The following CSMD1 variants were observed in gnomAD, a reference collection of about 807,000 sequenced individuals.
CSMD1 encodes the protein CUB and Sushi multiple domains 1.
In CSMD1, 213 loss-of-function variants were observed where a neutral mutation model predicts 417.5. That is an observed-to-expected ratio of 0.51 (90% CI 0.46 to 0.57). The LOEUF (loss-of-function observed/expected upper bound fraction) is 0.57. Ranked by LOEUF, CSMD1 falls within the 20% of genes least tolerant of loss-of-function variation. CSMD1 has a pLI of 0.00. For missense variants in CSMD1, 6,923 were observed against 4,529.7 expected (o/e 1.53, Z -15.17); for synonymous variants, 2,862 against 1,736.8 (o/e 1.65, Z -16.11).
intron 5 of CSMD1, among the ~76,000 whole-genome samples, chr8:3,784,460 C>T (rs1799339095): frequency 6.6e-6 from 1 of 152,056 alleles, no homozygotes; most frequent in African/African-American, 2.4e-5. Context: ...ATATAAGTTC[C>T]TGATTTTAAG....
chr8:4,259,722 C>G (rs1020398489), intron 3 of CSMD1, among the ~76,000 whole-genome samples: 2 of 151,930 alleles, frequency 1.3e-5, no homozygotes, highest in African/African-American at 4.8e-5. Context: ...AATTTTGCCA[C>G]AAATATATAC....
chr8:4,616,653 T>C (rs1801491206), intron 2 of CSMD1, among the ~76,000 whole-genome samples: 1 of 152,200 alleles, frequency 6.6e-6, no homozygotes, highest in Non-Finnish European at 1.5e-5. Context: ...ATGCCAACGC[T>C]TGAGAAAGAG....
In CSMD1 at chr8:3,367,215, C is replaced by G; in HGVS notation, c.2932G>C (p.Glu978Gln). 1 of 1,612,802 alleles carries G rather than the reference C, an allele frequency of 6.2e-7. No homozygotes were observed. Among genetic ancestry groups the G allele is most frequent in the African/African-American group, 1.3e-5 (1 of 74,854 alleles). ...VQMIFHTFHL[E>Q]SSHDYLLITE... ...ATCAGTAAATAGTCGTGGGAACTCT[C>G]AAGATGAAAGGTGTGAAAGATCATT... Residue 978 changes from glutamate to glutamine, a missense_variant, in exon 20 of 70, where the codon GAG (glutamate) becomes CAG (glutamine). Transcript: ENST00000635120.
intron 30 of CSMD1, among the ~76,000 whole-genome samples, chr8:3,207,151 CTTT>C (rs35120987): frequency 1.0e-5 from 1 of 95,318 alleles, no homozygotes; most frequent in Non-Finnish European, 2.1e-5. Flanking sequence ...TTTTCATTTT[CTTT>C]TTTTTTTTTT....
chr8:4,415,780 T>A (rs1796899673), intron 3 of CSMD1, among the ~76,000 whole-genome samples: 1 of 152,212 alleles, frequency 6.6e-6, no homozygotes, highest in African/African-American at 2.4e-5. Flanking sequence ...GATAGCAATG[T>A]GTATGAGCAC....
At chr8:4,577,015 A>T (rs1387622374) in intron 2 of CSMD1, among the ~76,000 whole-genome samples, 1 of 152,224 alleles carries the variant, frequency 6.6e-6, no homozygotes, top group Non-Finnish European at 1.5e-5. Context: ...GACAGATATT[A>T]GATCTTGAAT....
intron 7 of CSMD1, among the ~76,000 whole-genome samples, chr8:3,685,318 CT>C (rs1460090261): frequency 6.6e-6 from 1 of 152,110 alleles, no homozygotes; most frequent in African/African-American, 2.4e-5. Context: ...GTCTTTCCCC[CT>C]GTAAAAATTT....
At chr8:4,813,983 C>T (rs28702435) in intron 1 of CSMD1, among the ~76,000 whole-genome samples, 10,604 of 152,186 alleles carry the variant, frequency 0.07, 632 homozygotes, top group East Asian at 0.24. Context: ...AATTAATCAA[C>T]AATTGTTGCA....
In CSMD1 at chr8:3,575,006, G is replaced by A. The variant is rs867947659; in HGVS notation, c.1283C>T (p.Pro428Leu). The A allele has an allele frequency of 5.6e-6, 9 of 1,613,334 alleles. No homozygotes were observed. Among genetic ancestry groups the A allele is most frequent in the African/African-American group, 1.3e-5 (1 of 75,012 alleles). Residue 428 changes from proline (P) to leucine (L), a missense_variant, in exon 10 of 70, where the codon CCG becomes CTG. Coordinates refer to ENST00000635120, the MANE Select transcript of CSMD1 (RefSeq NM_033225.6). ...GTGTGCATTATCTTCATACTGAACC[G>A]GATAATTAGGGGAGGTAATGACGCC... is the stretch of plus-strand genomic sequence containing the variant. The part of the protein sequence containing the change: ...PSGVITSPNY[P>L]VQYEDNAHCV...
At chr8:4,064,402 G>A (rs6558843) in intron 3 of CSMD1, among the ~76,000 whole-genome samples, 67,870 of 152,026 alleles carry the variant, frequency 0.45, 15,952 homozygotes, top group Non-Finnish European at 0.49. Flanking sequence ...TCAATGTTGA[G>A]AAGGTAGAGA....
chr8:3,018,387 TATAGCAAGAAGTC>T, intron 52 of CSMD1, 77 bp downstream of exon 52: 2 of 1,220,770 alleles, frequency 1.6e-6, no homozygotes, highest in Admixed American at 4.4e-5. Context: ...TTTAAGGCAT[TATAGCAAGAAGTC>T]ATATGTGTTA....
intron 3 of CSMD1, among the ~76,000 whole-genome samples, chr8:4,326,869 T>C (rs1337476793): frequency 6.6e-6 from 1 of 152,212 alleles, no homozygotes; most frequent in Non-Finnish European, 1.5e-5. Flanking sequence ...GGGAAAGATT[T>C]AACTTGGACT....
rs948216185 is a variant in CSMD1, at chr8:3,970,544, C to T, written c.818+27359G>A. ...GGAGGACGATTAAGGACCCTGAAGC[C>T]AGATCTTAGTGATTTGCAACGGAAA... On this transcript the variant is annotated intron_variant, in intron 5 of 69. Coordinates refer to ENST00000635120, the MANE Select transcript of CSMD1 (RefSeq NM_033225.6). 5.9e-5 allele frequency among the ~76,000 whole-genome samples: 9 copies of T among 152,192 alleles called. No homozygotes were observed. In the East Asian group the frequency reaches 1.7e-3, roughly 29 times the overall value.
chr8:4,623,731 A>ATG (rs1399303136), intron 2 of CSMD1, among the ~76,000 whole-genome samples: 4 of 151,914 alleles, frequency 2.6e-5, no homozygotes, highest in East Asian at 1.9e-4. Context: ...GCATATACAG[A>ATG]TGTGTGTGTG....
intron 3 of CSMD1, among the ~76,000 whole-genome samples, chr8:4,035,166 C>A (rs1393139900): frequency 1.3e-5 from 2 of 148,334 alleles, no homozygotes; most frequent in African/African-American, 4.9e-5. Flanking sequence ...GAGATGATGG[C>A]GTACTGATGT....
chr8:3,913,027 G>A lies in CSMD1; in HGVS notation c.818+84876C>T, dbSNP rs572608440. 5.9e-5 allele frequency among the ~76,000 whole-genome samples: 9 copies of A among 152,222 alleles called. No homozygotes were observed. The South Asian group carries it at 1.7e-3, about 28-fold the overall frequency. ...TGGTGACTATAATGAGCTAAGGCGT[G>A]GAGAGAATCGTGACTTTAGCAGCAG... is the stretch of plus-strand genomic sequence containing the variant. On this transcript the variant is annotated intron_variant, in intron 5 of 69. Transcript: ENST00000635120.
intron 20 of CSMD1, among the ~76,000 whole-genome samples, chr8:3,364,335 G>C (rs1044676688): frequency 6.6e-6 from 1 of 152,154 alleles, no homozygotes; most frequent in Admixed American, 6.5e-5. Context: ...TTCTGCTTGT[G>C]TGCAACTGTC....
chr8:4,872,303 C>A lies in CSMD1; in HGVS notation c.85+122029G>T, dbSNP rs181783638. ...TATGGTTAGGCTTTGTGTCCCCACC[C>A]AAATCTCATCTTGAATTATAATCCC... is the stretch of plus-strand genomic sequence containing the variant. On this transcript the variant is annotated intron_variant, in intron 1 of 69. Coordinates refer to ENST00000635120, the MANE Select transcript of CSMD1 (RefSeq NM_033225.6). Among the ~76,000 whole-genome samples, 342 of 152,122 alleles carry A rather than the reference C, an allele frequency of 2.2e-3. 6 individuals are homozygous for A. Among genetic ancestry groups the A allele is most frequent in the African/African-American group, 8.0e-3 (333 of 41,450 alleles).
intron 11 of CSMD1, among the ~76,000 whole-genome samples, chr8:3,489,550 T>C (rs1818251729): frequency 6.6e-6 from 1 of 152,190 alleles, no homozygotes; most frequent in African/African-American, 2.4e-5. Context: ...TGGAAAGAAC[T>C]CAACAGACAT....
Sources: gnomAD v4.1 joint callset for allele counts (sites outside exome capture counted in the v4.1 genomes callset) on GRCh38, gnomAD v4.1.1 for gene constraint, MANE v1.5 for transcripts, NCBI Gene and HGNC (gene_info 2026-07-23, HGNC 2026-07-21) for gene names.